Variants in IMPG2 observed in about 807,000 individuals in gnomAD.
IMPG2 encodes the protein interphotoreceptor matrix proteoglycan 2.
Under a neutral mutation model 129.2 loss-of-function variants are expected in IMPG2, and 91 were observed. The observed-to-expected ratio is 0.70, with a 90% CI of 0.59 to 0.84. IMPG2 has a LOEUF of 0.84. IMPG2 is among the 40% of genes least tolerant of loss of function. The pLI is 0.00. For missense variants in IMPG2, 1,430 were observed against 1,461.7 expected (o/e 0.98, Z 0.35); for synonymous variants, 510 against 517.7 (o/e 0.99, Z 0.20).
rs188297424 is a variant in IMPG2 at position 101,273,803 on chromosome 3, T to G, written c.667-61A>C. 3 of 1,471,014 alleles carry G rather than the reference T, an allele frequency of 2.0e-6. No homozygotes were observed. The East Asian group carries it at 6.8e-5, about 33-fold the overall frequency. 91.1% of individuals were successfully genotyped at this position (1,471,014 alleles called of 1,614,324 possible). ...CTTATTCATTCAATCAACAAACATT[T>G]ATTGATTGTTTCAATGTGTCAGAAC... On this transcript the variant is annotated intron_variant, in intron 6 of 18. Transcript: ENST00000193391.
chr3:101,242,945 G>A lies in IMPG2; in HGVS notation c.2803-38C>T, dbSNP rs1394209704. 1.9e-6 allele frequency: 3 copies of A among 1,543,158 alleles called. No homozygotes were observed. In the African/African-American group the frequency reaches 4.1e-5, roughly 21 times the overall value. On this transcript the variant is annotated intron_variant, in intron 13 of 18. Transcript: ENST00000193391. ...AAAGTGGTAAGTTTATTGACAGCGT[G>A]TCACATTTTGTTCAATACATACCCA...
chr3:101,227,805 T>C (rs1421839401), intron 18 of IMPG2: 1 of 456,136 alleles, frequency 2.2e-6, no homozygotes, highest in East Asian at 6.9e-5. Context: ...TTTCTCAGTT[T>C]CCTCAGTTAT....
chr3:101,231,248 T>A (rs967251886), intron 15 of IMPG2, 103 bp from the exon 16 acceptor site: 2 of 1,076,484 alleles, frequency 1.9e-6, no homozygotes, highest in Non-Finnish European at 2.9e-6. Context: ...GAGAAATAAA[T>A]GCTGACCACG....
chr3:101,228,945 T>C, intron 17 of IMPG2, 69 bp from the exon 18 acceptor site: 1 of 1,111,680 alleles, frequency 9.0e-7, no homozygotes, highest in Non-Finnish European at 1.4e-6. Flanking sequence ...TTAAAAGGGG[T>C]TCTAATTTTC....
intron 9 of IMPG2, among the ~76,000 whole-genome samples, chr3:101,263,905 A>C (rs1706695815): frequency 6.6e-6 from 1 of 151,780 alleles, no homozygotes; most frequent in Admixed American, 6.6e-5. Context: ...GAAATGAAAA[A>C]GGAGACATCA....
intron 14 of IMPG2, among the ~76,000 whole-genome samples, chr3:101,233,992 A>C (rs1706318788): frequency 6.6e-6 from 1 of 151,862 alleles, no homozygotes; most frequent in Non-Finnish European, 1.5e-5. Flanking sequence ...ATTTTGCACA[A>C]GTCTGTGCCC....
chr3:101,270,757 G>A (rs1456069421), intron 7 of IMPG2, among the ~76,000 whole-genome samples: 2 of 151,926 alleles, frequency 1.3e-5, no homozygotes, highest in Non-Finnish European at 2.9e-5. Context: ...CCGAGATCGC[G>A]CCACTGCACT....
At chr3:101,263,865 A>G (rs1706695059) in intron 9 of IMPG2, among the ~76,000 whole-genome samples, 1 of 151,628 alleles carries the variant, frequency 6.6e-6, no homozygotes, top group African/African-American at 2.4e-5. Context: ...TTCAAAAAAA[A>G]AAAAAAAAGA....
chr3:101,298,739 G>C (rs1559656973), intron 3 of IMPG2, among the ~76,000 whole-genome samples: 1 of 152,166 alleles, frequency 6.6e-6, no homozygotes, highest in Non-Finnish European at 1.5e-5. Flanking sequence ...ACTCTCTTCT[G>C]GCTTGTAGGG....
intron 3 of IMPG2, among the ~76,000 whole-genome samples, chr3:101,296,756 G>T (rs1303610344): frequency 2.0e-5 from 3 of 152,060 alleles, no homozygotes; most frequent in Admixed American, 6.5e-5. Context: ...CCTGTTATTG[G>T]TCTATTCAGG....
chr3:101,251,471 C>T (rs1311537106), intron 11 of IMPG2, among the ~76,000 whole-genome samples: 1 of 152,066 alleles, frequency 6.6e-6, no homozygotes, highest in Non-Finnish European at 1.5e-5. Context: ...CAGGAATAGC[C>T]CTTCATTAAT....
In IMPG2 at chr3:101,231,116, C is replaced by T. The variant is rs531246692; in HGVS notation, c.3263G>A (p.Arg1088Gln). Reference protein sequence around the residue: ...RCRVGENWWYRGKHCEEFVSE... With the variant: ...RCRVGENWWYQGKHCEEFVSE... ...CACAAATTCCTCACAGTGCTTGCCT[C>T]GGTACCACCAGTTCTCACCCACCCG... is the stretch of plus-strand genomic sequence containing the variant. Residue 1088 changes from arginine (R) to glutamine (Q), a missense_variant, in exon 16 of 19, where the codon CGA becomes CAA. Coordinates refer to ENST00000193391, the MANE Select transcript of IMPG2 (RefSeq NM_016247.4). The T allele has an allele frequency of 1.5e-5, 25 of 1,614,110 alleles. No homozygotes were observed. The highest frequency in any genetic ancestry group is 3.3e-5 in the Admixed American group (2 of 60,016).
intron 11 of IMPG2, among the ~76,000 whole-genome samples, chr3:101,250,293 T>C (rs1305270984): frequency 6.6e-6 from 1 of 152,100 alleles, no homozygotes; most frequent in Admixed American, 6.6e-5. Context: ...TCCAGAGAAA[T>C]GGAAGACAAC....
At chr3:101,283,417 T>C (rs1364526710) in intron 4 of IMPG2, among the ~76,000 whole-genome samples, 2 of 152,208 alleles carry the variant, frequency 1.3e-5, no homozygotes, top group Non-Finnish European at 2.9e-5. Context: ...GTAGTTTTTA[T>C]TGAGTGATTT....
chr3:101,276,590 T>G (rs1191077966), intron 5 of IMPG2, 74 bp downstream of exon 5: 2 of 991,534 alleles, frequency 2.0e-6, no homozygotes, highest in African/African-American at 3.2e-5. Context: ...CTGCAAAAAA[T>G]GTACTTGTTT....
At chr3:101,260,329 C>T (rs1483107650) in intron 9 of IMPG2, among the ~76,000 whole-genome samples, 1 of 152,154 alleles carries the variant, frequency 6.6e-6, no homozygotes, top group Admixed American at 6.6e-5. Context: ...ATCTGCTTGT[C>T]TCTAGAACTT....
intron 3 of IMPG2, among the ~76,000 whole-genome samples, chr3:101,292,502 T>C (rs913023959): frequency 2.2e-4 from 33 of 152,198 alleles, no homozygotes; most frequent in African/African-American, 7.2e-4. Context: ...TGCTAAAAAA[T>C]GCAAACAATC....
At chr3:101,277,988 A>G (rs1351828394) in intron 4 of IMPG2, among the ~76,000 whole-genome samples, 2 of 149,950 alleles carry the variant, frequency 1.3e-5, no homozygotes, top group Non-Finnish European at 3.0e-5. Context: ...TAATCCCAGC[A>G]CTTTGAGAGG....
chr3:101,253,845 G>A (rs866647827), intron 10 of IMPG2, 64 bp from the exon 11 acceptor site: 1 of 1,134,120 alleles, frequency 8.8e-7, no homozygotes, highest in Middle Eastern at 2.0e-4. Flanking sequence ...GAGGTGCAGG[G>A]ACAACTGAAA....
Sources: allele counts gnomAD v4.1 joint callset (sites outside exome capture counted in the v4.1 genomes callset), GRCh38; gene constraint gnomAD v4.1.1; transcripts MANE v1.5; gene names NCBI Gene and HGNC (gene_info 2026-07-23, HGNC 2026-07-21).